ADORA2B: variants seen among roughly 807,000 people sequenced by gnomAD.
ADORA2B encodes adenosine receptor A2b.
In ADORA2B, 18 loss-of-function variants were observed where a neutral mutation model predicts 20.8. That is an observed-to-expected ratio of 0.87 (90% CI 0.60 to 1.29). ADORA2B has a LOEUF of 1.29. Ranked by LOEUF, ADORA2B falls within the 50% of genes most tolerant of loss-of-function variation. The pLI is 0.00. For missense variants in ADORA2B, 441 were observed against 422.7 expected (o/e 1.04, Z -0.38); for synonymous variants, 179 against 178.3 (o/e 1.00, Z -0.03).
At chr17:15,869,335 TAATA>T in the ADORA2B span, among the ~76,000 whole-genome samples, 2 of 149,522 alleles carry the variant, frequency 1.3e-5, no homozygotes, top group African/African-American at 4.9e-5. Flanking sequence ...ATAATAATAA[TAATA>T]ATTATTATTA....
chr17:15,912,809 C>G, the ADORA2B span, among the ~76,000 whole-genome samples: 1 of 152,196 alleles, frequency 6.6e-6, no homozygotes, highest in Non-Finnish European at 1.5e-5. Context: ...TGTTTGGGCC[C>G]CATTAGGGAG....
chr17:15,959,936 T>G (rs1457998420), intron 1 of ADORA2B, among the ~76,000 whole-genome samples: 1 of 152,234 alleles, frequency 6.6e-6, no homozygotes, highest in Non-Finnish European at 1.5e-5. Context: ...ATATGTTCCT[T>G]TAATCTGAAA....
At chr17:15,958,626 C>G (rs1021406704) in intron 1 of ADORA2B, among the ~76,000 whole-genome samples, 2 of 152,184 alleles carry the variant, frequency 1.3e-5, no homozygotes, top group African/African-American at 4.8e-5. Context: ...TTTCTCTACC[C>G]TGACTTCTCA....
chr17:15,963,747 C>T (rs1029939619), intron 1 of ADORA2B, among the ~76,000 whole-genome samples: 2 of 152,182 alleles, frequency 1.3e-5, no homozygotes, highest in African/African-American at 4.8e-5. Flanking sequence ...ACTGGTGGAC[C>T]ACCTTGGATT....
chr17:15,880,542 C>T, the ADORA2B span, among the ~76,000 whole-genome samples: 20 of 139,732 alleles, frequency 1.4e-4, no homozygotes, highest in Admixed American at 7.2e-5. Flanking sequence ...CAGGGCTGTG[C>T]CTGGGAGCAA....
At chr17:15,961,924 A>G (rs1367663577) in intron 1 of ADORA2B, among the ~76,000 whole-genome samples, 4 of 152,212 alleles carry the variant, frequency 2.6e-5, no homozygotes, top group South Asian at 2.1e-4. Flanking sequence ...CACACCTCTC[A>G]GCACTGTTGC....
the ADORA2B span, among the ~76,000 whole-genome samples, chr17:15,924,514 G>A: frequency 5.9e-5 from 9 of 152,180 alleles, no homozygotes; most frequent in East Asian, 1.9e-4. Flanking sequence ...GGCAAATCAC[G>A]AGGTCAGGAG....
the ADORA2B span, among the ~76,000 whole-genome samples, chr17:15,927,925 C>T: frequency 6.6e-6 from 1 of 152,142 alleles, no homozygotes; most frequent in South Asian, 2.1e-4. Flanking sequence ...GAAAAAAGAC[C>T]AAGCCCCCTG....
At chr17:15,924,948 C>T in the ADORA2B span, among the ~76,000 whole-genome samples, 2 of 151,492 alleles carry the variant, frequency 1.3e-5, no homozygotes, top group Admixed American at 6.6e-5. Context: ...GATCATAGTT[C>T]ACTGTACCCT....
the ADORA2B span, among the ~76,000 whole-genome samples, chr17:15,885,537 A>G: frequency 6.6e-6 from 1 of 152,114 alleles, no homozygotes; most frequent in South Asian, 2.1e-4. Flanking sequence ...AACATGGTGA[A>G]ACCCCGACTC....
At chr17:15,857,871 C>A in the ADORA2B span, among the ~76,000 whole-genome samples, 1 of 151,904 alleles carries the variant, frequency 6.6e-6, no homozygotes, top group Non-Finnish European at 1.5e-5. Flanking sequence ...GCTTCTTTGA[C>A]TTAGCATAAT....
At chr17:15,953,962 G>A (rs1165399338) in intron 1 of ADORA2B, among the ~76,000 whole-genome samples, 1 of 151,764 alleles carries the variant, frequency 6.6e-6, no homozygotes, top group Non-Finnish European at 1.5e-5. Context: ...CTTTTATGCT[G>A]TTAAGGTTTA....
chr17:15,966,043 C>G (rs551857916), intron 1 of ADORA2B, among the ~76,000 whole-genome samples: 10 of 152,334 alleles, frequency 6.6e-5, no homozygotes, highest in Admixed American at 1.3e-4. Context: ...GTGGTCTGCT[C>G]TAGCCCCATG....
intron 1 of ADORA2B, among the ~76,000 whole-genome samples, chr17:15,956,335 A>G (rs1969965865): frequency 6.6e-6 from 1 of 151,842 alleles, no homozygotes; most frequent in African/African-American, 2.4e-5. Context: ...TGGGAGGGGG[A>G]GGGGATCAAT....
At position 15,974,798 on chromosome 17, in the gene ADORA2B, A is replaced by G; in HGVS notation, c.455A>G (p.Asn152Ser). 4.0e-6 allele frequency: 6 copies of G among 1,482,792 alleles called. No individual in the cohort carries two copies. Among genetic ancestry groups the G allele is most frequent in the East Asian group, 2.5e-5 (1 of 39,856 alleles). The allele number at this position is 1,482,792 out of a possible 1,614,324, so 91.9% of individuals were successfully genotyped here. The change falls in exon 2 of 2, where the codon AAC becomes AGC. Residue 152 changes from asparagine (N) to serine (S), a missense_variant. Coordinates refer to ENST00000304222, the MANE Select transcript of ADORA2B (RefSeq NM_000676.4). ...TGGAACAGTAAAGACAGTGCCACCAACAACTGCACAGAACCCTGGGATGGA... is the reference window on the plus strand; with the variant it reads ...TGGAACAGTAAAGACAGTGCCACCAGCAACTGCACAGAACCCTGGGATGGA... Reference protein sequence around the residue: ...LGWNSKDSATNNCTEPWDGTT... With the variant: ...LGWNSKDSATSNCTEPWDGTT...
chr17:15,960,553 CAAAAAAAAAAA>C (rs57307680), intron 1 of ADORA2B, among the ~76,000 whole-genome samples: 4 of 250 alleles, frequency 0.016, 2 homozygotes, highest in African/African-American at 0.019. Context: ...GACTCCGTCT[CAAAAAAAAAAA>C]AAAAAAAAAA....
chr17:15,888,848 ATATTTTTTTTTTTTTT>A, the ADORA2B span, among the ~76,000 whole-genome samples: 6 of 12,652 alleles, frequency 4.7e-4, no homozygotes, highest in African/African-American at 4.0e-3. Context: ...ATATATATAT[ATATTTTTTTTTTTTTT>A]TTTTTTTTTT....
intron 1 of ADORA2B, among the ~76,000 whole-genome samples, chr17:15,965,267 G>A (rs1970101638): frequency 6.6e-6 from 1 of 152,202 alleles, no homozygotes; most frequent in African/African-American, 2.4e-5. Context: ...TGTTCAACAT[G>A]TTTCTTTGAT....
chr17:15,954,517 G>T (rs2151597464), intron 1 of ADORA2B, among the ~76,000 whole-genome samples: 1 of 152,298 alleles, frequency 6.6e-6, no homozygotes, highest in Middle Eastern at 3.4e-3. Context: ...AGTGGTTCCA[G>T]CATTTCCTGC....
Sources: allele counts gnomAD v4.1 joint callset (sites outside exome capture counted in the v4.1 genomes callset), GRCh38; gene constraint gnomAD v4.1.1; transcripts MANE v1.5; gene names NCBI Gene and HGNC (gene_info 2026-07-23, HGNC 2026-07-21).